ITGB1: variants seen among roughly 807,000 people sequenced by gnomAD.
The protein encoded by ITGB1 is integrin beta-1.
Under a neutral mutation model 86.5 loss-of-function variants are expected in ITGB1, and 24 were observed. The observed-to-expected ratio is 0.28, with a 90% CI of 0.20 to 0.39. The LOEUF (loss-of-function observed/expected upper bound fraction) is 0.39, where lower values mean the gene tolerates loss of function less well. Among genes scored for constraint, ITGB1 ranks in the 10% least tolerant of loss-of-function variants. ITGB1 has a pLI of 1.00. For synonymous variants in ITGB1, 323 were observed against 316.8 expected, an observed-to-expected ratio of 1.02 and a Z score of -0.21; for missense variants, 556 against 946.9, an observed-to-expected ratio of 0.59 and a Z score of 5.42.
At chr10:32,941,935 T>C (rs1266751514) in intron 1 of ITGB1, among the ~76,000 whole-genome samples, 1 of 152,162 alleles carries the variant, frequency 6.6e-6, no homozygotes, top group African/African-American at 2.4e-5. Context: ...CTAGGGAAGA[T>C]GCCTATTGGG....
intron 4 of ITGB1, among the ~76,000 whole-genome samples, chr10:32,928,916 T>C (rs2094974247): frequency 6.6e-6 from 1 of 152,022 alleles, no homozygotes; most frequent in Non-Finnish European, 1.5e-5. Flanking sequence ...GAAAATGTAA[T>C]TAAAATTTTA....
At chr10:32,912,205 C>G (rs907228196) in intron 11 of ITGB1, 81 bp from the exon 12 acceptor site, 4 of 1,068,586 alleles carry the variant, frequency 3.7e-6, no homozygotes, top group Non-Finnish European at 4.2e-6. Context: ...AGGAACAGCT[C>G]TAGTCTACAG....
chr10:32,911,803 T>C, intron 12 of ITGB1, 83 bp downstream of exon 12: 1 of 1,427,464 alleles, frequency 7.0e-7, no homozygotes, highest in Non-Finnish European at 9.7e-7. Context: ...ACCCCTTTTC[T>C]ACTTATGCAC....
chr10:32,907,204 T>A, intron 15 of ITGB1: 1 of 612,724 alleles, frequency 1.6e-6, no homozygotes, highest in Non-Finnish European at 2.8e-6. Flanking sequence ...CTTTATAGTG[T>A]TTGAACACTA....
chr10:32,922,317 T>G lies in ITGB1; in HGVS notation c.1068A>C (p.Ala356=), dbSNP rs936725420. 6.2e-7 allele frequency: 1 copy of G among 1,610,118 alleles called. No individual in the cohort carries two copies. The highest frequency in any genetic ancestry group is 8.5e-7 in the Non-Finnish European group (1 of 1,178,180). The change falls in exon 9 of 16, where the codon GCA becomes GCC. Residue 356 remains alanine (A), a synonymous_variant. Transcript: ENST00000302278. ...TAGAATTTGCAGATAATGTTCCTAC[T>G]GCTGACTTAGGGATCAAGTTTTTCA... ...KELKNLIPKS[A]VGTLSANSSN...
At position 32,958,212 on chromosome 10, in the gene ITGB1, G is replaced by A. The variant is rs2095057056; in HGVS notation, c.-68C>T. The stretch of plus-strand genomic sequence containing the variant: ...CCTGCTGTTCCGCGACTCCCGCTGG[G>A]CCTCTCCCGCGGGCTGGCGGGGCCT... On this transcript the variant is annotated 5_prime_UTR_variant, in exon 1 of 16. Coordinates refer to ENST00000302278, the MANE Select transcript of ITGB1 (RefSeq NM_002211.4). The A allele has an allele frequency of 6.6e-6, 1 of 151,920 alleles. No individual in the cohort carries two copies. Among genetic ancestry groups the A allele is most frequent in the African/African-American group, 2.4e-5 (1 of 41,358 alleles). 9.4% of individuals were successfully genotyped at this position (151,920 alleles called of 1,614,324 possible).
chr10:32,912,369 G>A (rs1295924810), intron 11 of ITGB1, among the ~76,000 whole-genome samples: 2 of 152,102 alleles, frequency 1.3e-5, no homozygotes, highest in East Asian at 1.9e-4. Context: ...AAGCACAAGG[G>A]GTCAAGGAAT....
chr10:32,952,833 T>G (rs897141787), intron 1 of ITGB1, among the ~76,000 whole-genome samples: 7 of 152,162 alleles, frequency 4.6e-5, no homozygotes, highest in African/African-American at 1.7e-4. Context: ...CAAAACAGCT[T>G]TGATAGTGCC....
chr10:32,927,765 G>C (rs1011257180), intron 5 of ITGB1, among the ~76,000 whole-genome samples: 4 of 152,202 alleles, frequency 2.6e-5, no homozygotes, highest in Non-Finnish European at 5.9e-5. Flanking sequence ...CTGCACTCCA[G>C]TCTGGGCGAC....
At chr10:32,914,947 G>A (rs1430250511) in intron 11 of ITGB1, among the ~76,000 whole-genome samples, 1 of 152,172 alleles carries the variant, frequency 6.6e-6, no homozygotes, top group Non-Finnish European at 1.5e-5. Flanking sequence ...TAAAATAACA[G>A]AAATTATAAC....
chr10:32,928,277 G>T lies in ITGB1; in HGVS notation c.377-13C>A. On this transcript the variant is annotated splice_polypyrimidine_tract_variant and intron_variant, in intron 4 of 15. Coordinates refer to ENST00000302278, the MANE Select transcript of ITGB1 (RefSeq NM_002211.4). ...GTCTGTGGCTCCCCTAATTAGACAA[G>T]AGATTAGAAAATGAAACTTGCCTGT... 2 of 831,724 alleles carry T rather than the reference G, an allele frequency of 2.4e-6. No homozygotes were observed. Among genetic ancestry groups the T allele is most frequent in the South Asian group, 2.9e-5 (2 of 68,282 alleles). The allele number at this position is 831,724 out of a possible 1,614,324, so 51.5% of individuals were successfully genotyped here. A position where few individuals can be genotyped will look rare whatever the true frequency, so the allele number is the denominator to read the frequency against.
At chr10:32,951,464 G>A (rs757901173) in intron 1 of ITGB1, among the ~76,000 whole-genome samples, 1 of 151,778 alleles carries the variant, frequency 6.6e-6, no homozygotes, top group African/African-American at 2.4e-5. Flanking sequence ...TGTGAGAAAC[G>A]GGAAAAAAAT....
At position 32,923,693 on chromosome 10, in the gene ITGB1, T is replaced by A; in HGVS notation, c.834A>T (p.Thr278=). 6.2e-7 allele frequency: 1 copy of A among 1,613,944 alleles called. No homozygotes were observed. The highest frequency in any genetic ancestry group is 8.5e-7 in the Non-Finnish European group (1 of 1,179,888). The part of the protein sequence containing the change: ...RNVTRLLVFS[T]DAGFHFAGDG... Reference sequence around the variant, plus strand: ...CTCCAGCAAAGTGAAACCCGGCATCTGTGGAAAACACCAGCAGCCGTGTAA... The same window carrying A: ...CTCCAGCAAAGTGAAACCCGGCATCAGTGGAAAACACCAGCAGCCGTGTAA... The change falls in exon 7 of 16, where the codon ACA becomes ACT. Residue 278 remains threonine, a synonymous_variant. Transcript: ENST00000302278.
intron 1 of ITGB1, among the ~76,000 whole-genome samples, chr10:32,936,844 C>T (rs867427437): frequency 6.4e-4 from 97 of 152,064 alleles, no homozygotes; most frequent in African/African-American, 2.2e-3. Context: ...CTCAAAAAAG[C>T]AAATTTATAC....
chr10:32,917,160 T>C, intron 11 of ITGB1, among the ~76,000 whole-genome samples: 1 of 152,200 alleles, frequency 6.6e-6, no homozygotes, highest in South Asian at 2.1e-4. Context: ...TGAAACTGGA[T>C]CCCTTCCTTA....
intron 15 of ITGB1, among the ~76,000 whole-genome samples, chr10:32,906,247 A>C (rs1182304759): frequency 8.5e-5 from 13 of 152,278 alleles, no homozygotes; most frequent in Non-Finnish European, 5.9e-5. Flanking sequence ...TTTCGTGATC[A>C]ATTTTCACTA....
At position 32,912,907 on chromosome 10, in the gene ITGB1, T is replaced by A. The variant is rs529299818; in HGVS notation, c.1470-783A>T. 4.6e-5 allele frequency among the ~76,000 whole-genome samples: 7 copies of A among 152,308 alleles called. No individual in the cohort carries two copies. In the East Asian group the frequency reaches 1.2e-3, roughly 25 times the overall value. On this transcript the variant is annotated intron_variant, in intron 11 of 15. Coordinates refer to ENST00000302278, the MANE Select transcript of ITGB1 (RefSeq NM_002211.4). ...CCGAGTAGCCTAACTGGGAGACACC[T>A]CCTAGTAGGGGCTGACTGACACCTC...
intron 1 of ITGB1, among the ~76,000 whole-genome samples, chr10:32,945,474 C>T (rs1226245254): frequency 6.6e-6 from 1 of 152,008 alleles, no homozygotes; most frequent in African/African-American, 2.4e-5. Context: ...TGGCAGGCGC[C>T]TGTAGTCCCA....
At chr10:32,921,482 T>C (rs952438296) in intron 9 of ITGB1, among the ~76,000 whole-genome samples, 2 of 152,088 alleles carry the variant, frequency 1.3e-5, no homozygotes, top group Non-Finnish European at 2.9e-5. Flanking sequence ...CCCCATGACA[T>C]GAAGTAAAAA....
Sources: allele counts gnomAD v4.1 joint callset (sites outside exome capture counted in the v4.1 genomes callset), GRCh38; gene constraint gnomAD v4.1.1; transcripts MANE v1.5; gene names NCBI Gene and HGNC (gene_info 2026-07-23, HGNC 2026-07-21).